EGFL6: variants seen among roughly 807,000 people sequenced by gnomAD.
EGFL6 encodes the protein EGF like domain multiple 6, also known as epidermal growth factor-like protein 6.
A neutral mutation model predicts 43.1 loss-of-function variants in EGFL6; 42 were observed. The observed-to-expected ratio is 0.98, with a 90% confidence interval of 0.76 to 1.26. EGFL6 has a LOEUF of 1.26. EGFL6 is among the 50% of genes most tolerant of loss of function. The probability of loss-of-function intolerance (pLI) is 0.00; values close to 1 mark genes in which losing one functional copy is unlikely to be tolerated. For missense variants in EGFL6, 429 were observed against 427.8 expected (o/e 1.00, Z -0.02); for synonymous variants, 164 against 163.2 (o/e 1.01, Z -0.04).
intron 1 of EGFL6, among the ~76,000 whole-genome samples, chrX:13,589,181 G>C (rs2045549334): frequency 8.9e-6 from 1 of 112,081 alleles, no homozygotes; most frequent in Non-Finnish European, 1.9e-5. Context: ...AAAGTGCAGA[G>C]CTCTGGTCTG....
chrX:13,631,339 C>G, intron 11 of EGFL6, among the ~76,000 whole-genome samples: 1 of 112,005 alleles, frequency 8.9e-6, no homozygotes, highest in South Asian at 3.7e-4. Context: ...ACATACTTCT[C>G]TTTAGAGTGA....
Position 13,633,080 on chromosome X carries a change from A to G in EGFL6, c.1647A>G (p.Leu549=), listed in dbSNP as rs2045822471. 1 of 1,194,837 alleles carries G rather than the reference A, an allele frequency of 8.4e-7. No individual in the cohort carries two copies. The highest frequency in any genetic ancestry group is 1.8e-5 in the African/African-American group (1 of 56,696). ...CAGGCTTATGTCCAGATAGCCTTTT[A>G]TCTGTGGATGACTGAATGTTACTAT... ...LVSGLCPDSL[L]SVDD Residue 549 remains leucine (L), a synonymous_variant, in exon 12 of 12, where the codon TTA becomes TTG. Coordinates refer to ENST00000361306, the MANE Select transcript of EGFL6 (RefSeq NM_015507.4).
At position 13,608,304 on chromosome X, in the gene EGFL6, A is replaced by G; in HGVS notation, c.656-20A>G. The G allele has an allele frequency of 1.7e-6, 2 of 1,209,374 alleles. No homozygotes were observed. The highest frequency in any genetic ancestry group is 2.2e-6 in the Non-Finnish European group (2 of 894,156). On this transcript the variant is annotated intron_variant, in intron 6 of 11. Coordinates refer to ENST00000361306, the MANE Select transcript of EGFL6 (RefSeq NM_015507.4). Reference sequence around the variant, plus strand: ...CAAGCTCTGTACCACAGAGTCGTTCACTGGAATGTTCTTTTTTAGATATAA... The same window carrying G: ...CAAGCTCTGTACCACAGAGTCGTTCGCTGGAATGTTCTTTTTTAGATATAA...
chrX:13,633,014 C>A lies in EGFL6; in HGVS notation c.1581C>A (p.Gly527=), dbSNP rs1242756256. 2 of 1,207,186 alleles carry A rather than the reference C, an allele frequency of 1.7e-6. No homozygotes were observed. The highest frequency in any genetic ancestry group is 3.0e-5 in the East Asian group (1 of 33,558). The stretch of plus-strand genomic sequence containing the variant: ...TTTTTGAAGCAGAACGTGGCAAGGG[C>A]AAAACCGGCGAAATCGCAGTGGATG... The part of the protein sequence containing the change: ...SIIFEAERGK[G]KTGEIAVDGV... Residue 527 remains glycine, a synonymous_variant, in exon 12 of 12, where the codon GGC becomes GGA. Coordinates refer to ENST00000361306, the MANE Select transcript of EGFL6 (RefSeq NM_015507.4).
chrX:13,585,795 A>C lies in EGFL6; in HGVS notation c.75-3761A>C, dbSNP rs757504881. ...TTCATCATGTTTTCTTTTGAAATCC[A>C]ACTCAAATGTCACCTACCCTGTGAC... On this transcript the variant is annotated intron_variant, in intron 1 of 11. Transcript: ENST00000361306. Among the ~76,000 whole-genome samples, 4 of 111,605 alleles carry C rather than the reference A, an allele frequency of 3.6e-5. No individual in the cohort carries two copies. In the South Asian group the frequency reaches 1.5e-3, roughly 42 times the overall value.
intron 10 of EGFL6, among the ~76,000 whole-genome samples, chrX:13,625,501 T>C (rs982636770): frequency 9.1e-6 from 1 of 110,223 alleles, no homozygotes; most frequent in Non-Finnish European, 1.9e-5. Context: ...CTGGCTAACA[T>C]GGTGAAACCC....
intron 6 of EGFL6, among the ~76,000 whole-genome samples, chrX:13,607,851 C>G (rs1166084427): frequency 1.8e-5 from 2 of 112,271 alleles, no homozygotes; most frequent in Non-Finnish European, 3.8e-5. Context: ...CTAAACCCAG[C>G]AGACAAGCTC....
intron 3 of EGFL6, among the ~76,000 whole-genome samples, chrX:13,595,278 A>G (rs1602644901): frequency 8.9e-6 from 1 of 111,748 alleles, no homozygotes; most frequent in East Asian, 2.8e-4. Context: ...TAAACTACCT[A>G]TGTATTATAA....
chrX:13,612,493 C>A (rs1455164514), intron 7 of EGFL6, among the ~76,000 whole-genome samples: 1 of 110,820 alleles, frequency 9.0e-6, no homozygotes, highest in South Asian at 3.9e-4. Flanking sequence ...CTTTTCCCCA[C>A]ATTTCCCCCT....
At position 13,601,573 on chromosome X, in the gene EGFL6, T is replaced by G. The variant is rs191174195; in HGVS notation, c.400+1479T>G. 3.9e-4 allele frequency among the ~76,000 whole-genome samples: 44 copies of G among 111,812 alleles called. No homozygotes were observed. In the East Asian group the frequency reaches 0.012, roughly 30 times the overall value. ...CAGACTCCCCAGCCCATCCTGGGTT[T>G]TCCCGAGATTATAAAATCTTGCCTA... On this transcript the variant is annotated intron_variant, in intron 4 of 11. Transcript: ENST00000361306.
intron 1 of EGFL6, among the ~76,000 whole-genome samples, chrX:13,571,118 C>CACG (rs1366585112): frequency 7.4e-5 from 7 of 94,692 alleles, no homozygotes; most frequent in African/African-American, 2.7e-4. Flanking sequence ...CCCCCACCAC[C>CACG]ACCACCACCA....
At chrX:13,630,532 G>A (rs1167853936) in intron 11 of EGFL6, among the ~76,000 whole-genome samples, 1 of 111,522 alleles carries the variant, frequency 9.0e-6, no homozygotes, top group Non-Finnish European at 1.9e-5. Flanking sequence ...GGTGCAAAAG[G>A]AACATCTTTC....
intron 11 of EGFL6, among the ~76,000 whole-genome samples, chrX:13,627,530 C>A (rs181746099): frequency 3.4e-4 from 38 of 112,240 alleles, no homozygotes; most frequent in Admixed American, 9.4e-4. Context: ...TCACCAGCGT[C>A]CTTCCAAATC....
At chrX:13,603,552 A>C (rs1490322301) in intron 5 of EGFL6, 116 bp downstream of exon 5, 2 of 905,510 alleles carry the variant, frequency 2.2e-6, no homozygotes, top group Non-Finnish European at 3.0e-6. Flanking sequence ...AACTTCTAAA[A>C]GTACAGATTT....
Position 13,623,925 on chromosome X carries a change from G to A in EGFL6, c.1285G>A (p.Ala429Thr), listed in dbSNP as rs761225255. Reference sequence around the variant, plus strand: ...CTGGAATCCTGCTGATCGAGATAATGGTATTTATATTTGACAGTTTCATGT... The same window carrying A: ...CTGGAATCCTGCTGATCGAGATAATAGTATTTATATTTGACAGTTTCATGT... ...FDWNPADRDN[A>T]IGFYMAVPAL... The change falls in exon 10 of 12, where the codon GCT becomes ACT. Residue 429 changes from alanine to threonine, a missense_variant and splice_region_variant. By Grantham distance (58) the Ala-to-Thr change is moderately conservative. Coordinates refer to ENST00000361306, the MANE Select transcript of EGFL6 (RefSeq NM_015507.4). 1.8e-5 allele frequency: 21 copies of A among 1,178,415 alleles called. No homozygotes were observed. The South Asian group carries it at 3.6e-4, about 20-fold the overall frequency.
At chrX:13,587,234 A>T (rs1324060258) in intron 1 of EGFL6, among the ~76,000 whole-genome samples, 2 of 112,649 alleles carry the variant, frequency 1.8e-5, no homozygotes, top group Admixed American at 9.4e-5. Context: ...TATGTAAATT[A>T]TATCTCAATT....
In EGFL6 at chrX:13,633,056, A is replaced by G; in HGVS notation, c.1623A>G (p.Ser541=). ...CAGTGGATGGCGTCTTGCTTGTTTC[A>G]GGCTTATGTCCAGATAGCCTTTTAT... ...EIAVDGVLLV[S]GLCPDSLLSV... The change falls in exon 12 of 12, where the codon TCA becomes TCG. Residue 541 remains serine (S), a synonymous_variant. Transcript: ENST00000361306. 8.3e-7 allele frequency: 1 copy of G among 1,203,805 alleles called. No individual in the cohort carries two copies. The highest frequency in any genetic ancestry group is 1.1e-6 in the Non-Finnish European group (1 of 892,951).
chrX:13,625,049 C>A (rs1475469187), intron 10 of EGFL6: 1 of 111,936 alleles, frequency 8.9e-6, no homozygotes, highest in Non-Finnish European at 1.9e-5. Flanking sequence ...TCTACCAGAG[C>A]TATATCATAT....
intron 4 of EGFL6, among the ~76,000 whole-genome samples, chrX:13,601,346 G>A (rs2146694860): frequency 8.9e-6 from 1 of 111,890 alleles, no homozygotes; most frequent in African/African-American, 3.2e-5. Context: ...TGTCCTGTGG[G>A]AGAGTGAGAG....
Sources: allele counts gnomAD v4.1 joint callset (sites outside exome capture counted in the v4.1 genomes callset), GRCh38; gene constraint gnomAD v4.1.1; transcripts MANE v1.5; gene names NCBI Gene and HGNC (gene_info 2026-07-23, HGNC 2026-07-21).